The following ARAP2 variants were observed in gnomAD, a reference collection of about 807,000 sequenced individuals.
ARAP2 encodes the protein arf-GAP with Rho-GAP domain, ANK repeat and PH domain-containing protein 2.
ARAP2 carries 148 observed loss-of-function variants against 194.5 expected under a neutral mutation model. The observed-to-expected ratio is 0.76, with a 90% confidence interval of 0.67 to 0.87. The LOEUF is 0.87. ARAP2 is among the 40% of genes least tolerant of loss of function. The pLI is 0.00. For synonymous variants in ARAP2, 695 were observed against 683.5 expected (o/e 1.02, Z -0.26); for missense variants, 2,128 against 1,989.7 (o/e 1.07, Z -1.32).
chr4:36,180,616 TA>T (rs1739012203), intron 8 of ARAP2, among the ~76,000 whole-genome samples: 1 of 152,244 alleles, frequency 6.6e-6, no homozygotes, highest in African/African-American at 2.4e-5. Flanking sequence ...CTAACCCATA[TA>T]AATCACTGTG....
chr4:36,114,240 C>A lies in ARAP2; in HGVS notation c.4086G>T (p.Ala1362=), dbSNP rs150680345. 8.1e-6 allele frequency: 13 copies of A among 1,600,394 alleles called. No homozygotes were observed. In the African/African-American group the frequency reaches 1.7e-4, roughly 22 times the overall value. ...EAEELTNDIL[A]IKNIIPTKGD... is the part of the protein sequence containing the mutation. ...CTTTTGTAGGAATAATATTTTTTAT[C>A]GCTAATATATCATTAGTTAATTCTT... The change falls in exon 26 of 33, where the codon GCG becomes GCT. Residue 1362 remains alanine, a synonymous_variant. Transcript: ENST00000303965.
intron 2 of ARAP2, among the ~76,000 whole-genome samples, chr4:36,055,420 T>A (rs1206966224): frequency 6.6e-6 from 1 of 152,216 alleles, no homozygotes; most frequent in East Asian, 1.9e-4. Flanking sequence ...GGTAATTTGA[T>A]TTAGCATGTC....
chr4:36,160,258 G>C, intron 13 of ARAP2: 4 of 1,168,274 alleles, frequency 3.4e-6, no homozygotes, highest in Non-Finnish European at 4.2e-6. Context: ...TTCAATTATG[G>C]AGGAAGAATT....
intron 9 of ARAP2, among the ~76,000 whole-genome samples, chr4:36,170,375 G>A (rs1173882584): frequency 6.6e-6 from 1 of 152,166 alleles, no homozygotes; most frequent in African/African-American, 2.4e-5. Flanking sequence ...ATTGCTTGAG[G>A]CCAGGAGTTC....
At chr4:36,072,796 C>A (rs553821070) in intron 32 of ARAP2, among the ~76,000 whole-genome samples, 8 of 151,454 alleles carry the variant, frequency 5.3e-5, no homozygotes, top group Non-Finnish European at 1.0e-4. Flanking sequence ...AAGCAGTAAA[C>A]AAAGGACCAT....
At chr4:36,155,998 TTGGCTGGGCACAA>T (rs1732194213) in intron 15 of ARAP2, among the ~76,000 whole-genome samples, 2 of 152,000 alleles carry the variant, frequency 1.3e-5, no homozygotes, top group Admixed American at 1.3e-4. Flanking sequence ...TTAAAGATAA[TTGGCTGGGCACAA>T]TGGCTCATGC....
intron 19 of ARAP2, among the ~76,000 whole-genome samples, chr4:36,136,100 T>C (rs183649166): frequency 2.6e-5 from 4 of 151,912 alleles, no homozygotes; most frequent in East Asian, 3.9e-4. Flanking sequence ...TTTAATAGCA[T>C]TGGTGCACTA....
chr4:36,227,901 T>C (rs1330147733), intron 2 of ARAP2, among the ~76,000 whole-genome samples: 2 of 152,194 alleles, frequency 1.3e-5, no homozygotes, highest in African/African-American at 4.8e-5. Flanking sequence ...CCAAACTGTT[T>C]AGGTAATCCT....
At chr4:36,062,329 C>T (rs1160718405), downstream of ARAP2, among the ~76,000 whole-genome samples, 2 of 152,136 alleles carry the variant, frequency 1.3e-5, no homozygotes, top group African/African-American at 2.4e-5. Flanking sequence ...TTCAGTGCCT[C>T]CTTCAGTGAT....
chr4:36,233,682 G>A (rs764866749), intron 1 of ARAP2, among the ~76,000 whole-genome samples: 173 of 152,330 alleles, frequency 1.1e-3, no homozygotes, highest in Non-Finnish European at 2.0e-3. Flanking sequence ...ATAATCCAGG[G>A]TACCTAGCAT....
At chr4:36,215,253 G>A (rs1471237422) in intron 2 of ARAP2, among the ~76,000 whole-genome samples, 6 of 152,094 alleles carry the variant, frequency 3.9e-5, no homozygotes, top group Admixed American at 1.3e-4. Context: ...ATAAATCAAT[G>A]GAATTGAATA....
intron 3 of ARAP2, among the ~76,000 whole-genome samples, chr4:36,050,597 T>G (rs1215204435): frequency 1.3e-5 from 2 of 152,226 alleles, no homozygotes; most frequent in Non-Finnish European, 2.9e-5. Flanking sequence ...ATTGATTTTA[T>G]TTAAGGCAGT....
intron 30 of ARAP2, among the ~76,000 whole-genome samples, chr4:36,081,776 C>G (rs574685180): frequency 1.3e-5 from 2 of 151,592 alleles, no homozygotes; most frequent in African/African-American, 4.8e-5. Context: ...AGGCAGATCT[C>G]GTGTGGCTCA....
At chr4:36,187,401 T>A in intron 8 of ARAP2, 50 bp downstream of exon 8, 2 of 1,050,396 alleles carry the variant, frequency 1.9e-6, no homozygotes, top group Non-Finnish European at 2.6e-6. Context: ...TTTATTAATA[T>A]GATTAGTCAG....
intron 5 of ARAP2, among the ~76,000 whole-genome samples, chr4:36,019,711 G>C (rs1421157447): frequency 1.3e-5 from 2 of 152,054 alleles, no homozygotes; most frequent in Non-Finnish European, 2.9e-5. Context: ...AGATGAGATA[G>C]TATATGAAGA....
intron 27 of ARAP2, among the ~76,000 whole-genome samples, chr4:36,095,470 T>C (rs1414848518): frequency 6.6e-6 from 1 of 152,138 alleles, no homozygotes; most frequent in Non-Finnish European, 1.5e-5. Context: ...AAAAGGGGAT[T>C]GAAGACTAGC....
chr4:36,161,667 A>C (rs1353539214), intron 11 of ARAP2, 117 bp from the exon 12 acceptor site: 1 of 736,750 alleles, frequency 1.4e-6, no homozygotes, highest in Non-Finnish European at 2.3e-6. Flanking sequence ...CTCAACTTAA[A>C]ACACACCAAT....
chr4:36,071,753 G>C (rs1362139053), intron 32 of ARAP2, among the ~76,000 whole-genome samples: 1 of 146,910 alleles, frequency 6.8e-6, no homozygotes, highest in Admixed American at 6.8e-5. Flanking sequence ...ACATTGTGCA[G>C]GTTAGTTACA....
intron 27 of ARAP2, among the ~76,000 whole-genome samples, chr4:36,095,045 AT>A (rs1373035962): frequency 6.6e-6 from 1 of 152,184 alleles, no homozygotes; most frequent in East Asian, 1.9e-4. Flanking sequence ...AGATTCATCT[AT>A]TTTTGGATTA....
Sources: allele counts gnomAD v4.1 joint callset (sites outside exome capture counted in the v4.1 genomes callset), GRCh38; gene constraint gnomAD v4.1.1; transcripts MANE v1.5; gene names NCBI Gene and HGNC (gene_info 2026-07-23, HGNC 2026-07-21).